The following NPAS3 variants were observed in gnomAD, a reference collection of about 807,000 sequenced individuals.
The protein encoded by NPAS3 is neuronal PAS domain protein 3.
Under a neutral mutation model 73.1 loss-of-function variants are expected in NPAS3, and 14 were observed. The observed-to-expected ratio is 0.19, with a 90% CI of 0.13 to 0.30. NPAS3 has a LOEUF of 0.30. NPAS3 is among the 10% of genes least tolerant of loss of function. The pLI is 1.00. For missense variants in NPAS3, 1,096 were observed against 1,250.0 expected (o/e 0.88, Z 1.86); for synonymous variants, 620 against 541.5 (o/e 1.14, Z -2.01).
At chr14:33,202,429 G>C (rs550193468) in intron 2 of NPAS3, among the ~76,000 whole-genome samples, 1 of 151,962 alleles carries the variant, frequency 6.6e-6, no homozygotes. Flanking sequence ...AAATGTTACC[G>C]ATATTTGTCA....
chr14:33,245,791 A>G (rs1008732778), intron 3 of NPAS3, among the ~76,000 whole-genome samples: 2 of 152,210 alleles, frequency 1.3e-5, no homozygotes, highest in Non-Finnish European at 1.5e-5. Flanking sequence ...CTGACACTGT[A>G]TTAGTGAGAA....
chr14:33,498,249 G>A (rs2052312521), intron 4 of NPAS3, among the ~76,000 whole-genome samples: 1 of 152,136 alleles, frequency 6.6e-6, no homozygotes, highest in Non-Finnish European at 1.5e-5. Context: ...TGGTGGGAGT[G>A]TAAATTAGTT....
chr14:33,542,313 T>C (rs1160847802), intron 4 of NPAS3, among the ~76,000 whole-genome samples: 3 of 152,168 alleles, frequency 2.0e-5, no homozygotes, highest in Admixed American at 6.5e-5. Flanking sequence ...TTTTCCTCAG[T>C]TGCCCTTTTT....
chr14:33,086,857 T>G (rs2042041322), intron 2 of NPAS3, among the ~76,000 whole-genome samples: 1 of 152,100 alleles, frequency 6.6e-6, no homozygotes, highest in Non-Finnish European at 1.5e-5. Context: ...TTGTCACTTC[T>G]TTTAATTTGC....
intron 5 of NPAS3, among the ~76,000 whole-genome samples, chr14:33,663,240 A>G (rs890246481): frequency 2.6e-5 from 4 of 152,150 alleles, no homozygotes; most frequent in Non-Finnish European, 4.4e-5. Flanking sequence ...TTTGAGATAC[A>G]TTCCATCAAT....
intron 4 of NPAS3, among the ~76,000 whole-genome samples, chr14:33,470,182 A>G (rs564071818): frequency 2.6e-5 from 4 of 152,250 alleles, no homozygotes; most frequent in Non-Finnish European, 4.4e-5. Flanking sequence ...CTCAGAAGTC[A>G]TATAATGTCA....
rs1323445662 is a variant in NPAS3 at position 33,655,364 on chromosome 14, G to A, written c.559-20847G>A. Among the ~76,000 whole-genome samples the A allele has an allele frequency of 4.5e-5, 5 of 111,178 alleles. No homozygotes were observed. The East Asian group carries it at 1.3e-3, about 28-fold the overall frequency. 72.9% of individuals were successfully genotyped at this position (111,178 alleles called of 152,430 possible). A position where few individuals can be genotyped will look rare whatever the true frequency, so the allele number is the denominator to read the frequency against. Reference sequence around the variant, plus strand: ...TTTTTTTTTTTTTTTTTAACAGCAAGTGAACTCTTTTGCTTTTCCCAGATA... The same window carrying A: ...TTTTTTTTTTTTTTTTTAACAGCAAATGAACTCTTTTGCTTTTCCCAGATA... On this transcript the variant is annotated intron_variant, in intron 5 of 11. Transcript: ENST00000356141.
chr14:33,390,696 G>C (rs549145201), intron 4 of NPAS3, among the ~76,000 whole-genome samples: 9 of 152,088 alleles, frequency 5.9e-5, no homozygotes, highest in Non-Finnish European at 1.2e-4. Flanking sequence ...CTATACCTAG[G>C]ATTTTGTGGA....
chr14:33,628,940 A>C (rs1442741524), intron 5 of NPAS3, among the ~76,000 whole-genome samples: 1 of 152,234 alleles, frequency 6.6e-6, no homozygotes, highest in Non-Finnish European at 1.5e-5. Context: ...ATAGAAAACC[A>C]GGTGGAGCGG....
intron 2 of NPAS3, among the ~76,000 whole-genome samples, chr14:33,200,816 C>T (rs781236792): frequency 6.6e-6 from 1 of 152,174 alleles, no homozygotes; most frequent in Non-Finnish European, 1.5e-5. Context: ...CAGTTTTCCA[C>T]AGGACCCACT....
intron 4 of NPAS3, among the ~76,000 whole-genome samples, chr14:33,440,005 A>G (rs61974973): frequency 0.068 from 10,391 of 151,798 alleles, 435 homozygotes; most frequent in South Asian, 0.16. Context: ...AGTCCCAGCC[A>G]CTCGGGAGGC....
At chr14:33,400,635 A>G (rs149342136) in intron 4 of NPAS3, among the ~76,000 whole-genome samples, 51 of 152,262 alleles carry the variant, frequency 3.3e-4, no homozygotes, top group African/African-American at 1.1e-3. Flanking sequence ...CAACATAACC[A>G]GGGACATTTA....
chr14:33,180,206 C>T (rs1014439961), intron 2 of NPAS3, among the ~76,000 whole-genome samples: 3 of 151,764 alleles, frequency 2.0e-5, no homozygotes, highest in African/African-American at 4.8e-5. Context: ...CCCCAACTCT[C>T]GTACCTGGCT....
At position 33,347,346 on chromosome 14, in the gene NPAS3, T is replaced by G. The variant is rs17100736; in HGVS notation, c.386-19840T>G. Among the ~76,000 whole-genome samples, 1,655 of 152,296 alleles carry G rather than the reference T, an allele frequency of 0.011. 140 individuals carry two copies. The East Asian group carries it at 0.21, about 19-fold the overall frequency. On this transcript the variant is annotated intron_variant, in intron 3 of 11. Transcript: ENST00000356141. ...TTTTTAGAAAGACCACTCGTAAATA[T>G]CTATTGGCACTGTGGGTTGTAAATA...
intron 1 of NPAS3, among the ~76,000 whole-genome samples, chr14:32,943,103 A>G: frequency 6.6e-6 from 1 of 152,182 alleles, no homozygotes; most frequent in East Asian, 1.9e-4. Flanking sequence ...CACATGTGCA[A>G]TATGCCAATC....
At chr14:33,612,370 G>A (rs761598539) in intron 5 of NPAS3, 12 of 454,324 alleles carry the variant, frequency 2.6e-5, no homozygotes, top group Non-Finnish European at 4.9e-5. Context: ...GCTTCCCCAC[G>A]CCCTGAAACC....
At chr14:33,251,361 T>G (rs2048577860) in intron 3 of NPAS3, among the ~76,000 whole-genome samples, 1 of 152,114 alleles carries the variant, frequency 6.6e-6, no homozygotes, top group Admixed American at 6.6e-5. Context: ...TGCTTAGGGT[T>G]GGGTGGGTGT....
chr14:33,400,906 A>G (rs543102893), intron 4 of NPAS3, among the ~76,000 whole-genome samples: 1 of 144,122 alleles, frequency 6.9e-6, no homozygotes, highest in Admixed American at 7.2e-5. Flanking sequence ...GACTTGGGTT[A>G]GAAACCAACT....
chr14:33,169,712 C>T (rs187342187), intron 2 of NPAS3, among the ~76,000 whole-genome samples: 19 of 152,230 alleles, frequency 1.2e-4, no homozygotes, highest in East Asian at 1.9e-4. Flanking sequence ...AAGAAATTGG[C>T]GGGCTATGAG....
Sources: gnomAD v4.1 joint callset for allele counts (sites outside exome capture counted in the v4.1 genomes callset) on GRCh38, gnomAD v4.1.1 for gene constraint, MANE v1.5 for transcripts, NCBI Gene and HGNC (gene_info 2026-07-23, HGNC 2026-07-21) for gene names.